The following CA5A variants were observed in gnomAD, a reference collection of about 807,000 sequenced individuals.
CA5A encodes the protein carbonic anhydrase 5A, mitochondrial.
In CA5A, 28 loss-of-function variants were observed where a neutral mutation model predicts 37.1. The ratio of observed to expected loss-of-function variants is 0.75; its 90% CI spans 0.56 to 1.03. CA5A has a LOEUF of 1.03. Ranked by LOEUF, CA5A falls within the 50% of genes least tolerant of loss-of-function variation. The pLI is 0.00. For synonymous variants in CA5A, 171 were observed against 158.4 expected, an observed-to-expected ratio of 1.08 and a Z score of -0.60; for missense variants, 444 against 399.9, an observed-to-expected ratio of 1.11 and a Z score of -0.94.
chr16:87,902,631 G>C, intron 3 of CA5A, 111 bp from the exon 4 acceptor site: 1 of 692,784 alleles, frequency 1.4e-6, no homozygotes, highest in Non-Finnish European at 2.6e-6. Flanking sequence ...AAATGGCCAG[G>C]CGCGGTGGCT....
intron 2 of CA5A, among the ~76,000 whole-genome samples, chr16:87,917,761 AG>A (rs1567530550): frequency 7.0e-4 from 68 of 97,592 alleles, no homozygotes; most frequent in African/African-American, 5.8e-3. Flanking sequence ...ATGTATACAC[AG>A]TGCACATGTG....
rs1161069821 is a variant in CA5A, at chr16:87,894,359, A to C, written c.619-2405T>G. ...AGGAAGATGGCCTCCCTGCTCAGCC[A>C]CATCACATCACCTTGACTTTGCTGG... is the stretch of plus-strand genomic sequence containing the variant. On this transcript the variant is annotated intron_variant, in intron 5 of 6. Coordinates refer to ENST00000649794, the MANE Select transcript of CA5A (RefSeq NM_001739.2). Among the ~76,000 whole-genome samples the C allele has an allele frequency of 2.0e-5, 3 of 152,076 alleles. No homozygotes were observed. The East Asian group carries it at 5.8e-4, about 29-fold the overall frequency.
In CA5A at chr16:87,936,240, C is replaced by T. The variant is rs1051815113; in HGVS notation, c.142+69G>A. 1.9e-5 allele frequency: 22 copies of T among 1,131,932 alleles called. No individual in the cohort carries two copies. In the African/African-American group the frequency reaches 3.2e-4, roughly 17 times the overall value. 70.1% of individuals were successfully genotyped at this position (1,131,932 alleles called of 1,614,324 possible). A position where few individuals can be genotyped will look rare whatever the true frequency, so the allele number is the denominator to read the frequency against. ...GGCTCGGGACGGTCTCTCCTCTCTC[C>T]TCTCGAAAGACCCCATCAGCTAAGA... On this transcript the variant is annotated intron_variant, in intron 1 of 6. Transcript: ENST00000649794.
chr16:87,923,961 T>G, intron 2 of CA5A: 1 of 985,082 alleles, frequency 1.0e-6, no homozygotes, highest in Non-Finnish European at 1.2e-6. Context: ...TGAAGAATTT[T>G]TAAATAATAT....
At chr16:87,916,695 C>G (rs563113572) in intron 2 of CA5A, among the ~76,000 whole-genome samples, 1 of 152,294 alleles carries the variant, frequency 6.6e-6, no homozygotes, top group South Asian at 2.1e-4. Flanking sequence ...AAGGCAAGCT[C>G]CATGGGAGCA....
exon 5 of CA5A, chr16:87,881,814 GTGTGTCC>G (rs1406942492): frequency 2.0e-5 from 3 of 152,240 alleles, no homozygotes; most frequent in Non-Finnish European, 4.4e-5. Context: ...TTTCATCTCA[GTGTGTCC>G]AGGCTCGGAT....
rs544695772 is a variant in CA5A at position 87,917,640 on chromosome 16, C to G, written c.340+9108G>C. 1.3e-3 allele frequency among the ~76,000 whole-genome samples: 199 copies of G among 149,500 alleles called. 1 individual carries two copies. The highest frequency in any genetic ancestry group is 4.8e-3 in the African/African-American group (194 of 40,496). On this transcript the variant is annotated intron_variant, in intron 2 of 6. Transcript: ENST00000649794. ...GCACACACAAACACACATGTGCGCA[C>G]ACACATGAACACACGTGCACATAGA...
chr16:87,930,526 G>A (rs1464024508), intron 1 of CA5A, among the ~76,000 whole-genome samples: 1 of 152,120 alleles, frequency 6.6e-6, no homozygotes, highest in African/African-American at 2.4e-5. Context: ...CAGGCGCCTG[G>A]CTTCCCTATT....
chr16:87,896,065 C>T (rs986602342), intron 5 of CA5A, among the ~76,000 whole-genome samples: 1 of 152,228 alleles, frequency 6.6e-6, no homozygotes, highest in African/African-American at 2.4e-5. Context: ...ACAGATGTGC[C>T]AGTCACTTTC....
In CA5A at chr16:87,905,920, G is replaced by T. The variant is rs551402266; in HGVS notation, c.341-1016C>A. On this transcript the variant is annotated intron_variant, in intron 2 of 6. Coordinates refer to ENST00000649794, the MANE Select transcript of CA5A (RefSeq NM_001739.2). ...TGGGGCTCAGCCATAAGCATCGCTC[G>T]CTGAGGCCTCTGGCTCTGGCCCCCA... Among the ~76,000 whole-genome samples, 4 of 152,330 alleles carry T rather than the reference G, an allele frequency of 2.6e-5. No individual in the cohort carries two copies. In the East Asian group the frequency reaches 5.8e-4, roughly 22 times the overall value.
intron 2 of CA5A, among the ~76,000 whole-genome samples, chr16:87,922,248 C>T (rs888577485): frequency 5.9e-5 from 9 of 152,096 alleles, no homozygotes; most frequent in South Asian, 4.1e-4. Context: ...ATAATATCCT[C>T]GCTAGGACCA....
intron 1 of CA5A, among the ~76,000 whole-genome samples, chr16:87,928,287 CTG>C (rs2056342073): frequency 6.6e-6 from 1 of 152,228 alleles, no homozygotes; most frequent in Non-Finnish European, 1.5e-5. Context: ...CCTCAGCCTC[CTG>C]AGCAGCTGGG....
chr16:87,886,234 C>T (rs1196815336), downstream of CA5A: 5 of 150,954 alleles, frequency 3.3e-5, no homozygotes, highest in Non-Finnish European at 7.4e-5. Flanking sequence ...ACTACAACCT[C>T]CGCCTCACGG....
chr16:87,893,712 C>A (rs1455947864), intron 5 of CA5A: 1 of 514,788 alleles, frequency 1.9e-6, no homozygotes, highest in South Asian at 1.5e-5. Context: ...CAGATTTGGT[C>A]GTGGACATGG....
chr16:87,885,422 T>A (rs1419275973), downstream of CA5A: 1 of 152,360 alleles, frequency 6.6e-6, no homozygotes, highest in Non-Finnish European at 1.5e-5. Flanking sequence ...ACGTCATGAA[T>A]CATTAGGGAA....
intron 2 of CA5A, among the ~76,000 whole-genome samples, chr16:87,909,274 A>T (rs1246110058): frequency 6.6e-6 from 1 of 152,066 alleles, no homozygotes; most frequent in Non-Finnish European, 1.5e-5. Flanking sequence ...GCCCCTCCTC[A>T]GGCTGGCTCG....
At chr16:87,926,204 G>C (rs1163671745) in intron 2 of CA5A, among the ~76,000 whole-genome samples, 1 of 151,398 alleles carries the variant, frequency 6.6e-6, no homozygotes, top group Admixed American at 6.6e-5. Context: ...GAATGACAGA[G>C]CAAGACTCTG....
At chr16:87,893,134 C>A in intron 5 of CA5A, 4 of 512,922 alleles carry the variant, frequency 7.8e-6, no homozygotes, top group South Asian at 3.3e-5. Flanking sequence ...TCCTTTCTTT[C>A]TTTCTTTCTT....
At chr16:87,915,689 C>CA (rs10593708) in intron 2 of CA5A, among the ~76,000 whole-genome samples, 2,220 of 82,124 alleles carry the variant, frequency 0.027, 17 homozygotes, top group East Asian at 0.17. Context: ...ATCCTGTCTC[C>CA]AAAAAAAAAA....
Sources: gnomAD v4.1 joint callset for allele counts (sites outside exome capture counted in the v4.1 genomes callset) on GRCh38, gnomAD v4.1.1 for gene constraint, MANE v1.5 for transcripts, NCBI Gene and HGNC (gene_info 2026-07-23, HGNC 2026-07-21) for gene names.